NRP2: variants seen among roughly 807,000 people sequenced by gnomAD.
The protein encoded by NRP2 is neuropilin-2.
NRP2 carries 52 observed loss-of-function variants against 110.4 expected under a neutral mutation model. The observed-to-expected ratio is 0.47, with a 90% CI of 0.38 to 0.59. The LOEUF is 0.59. Among genes scored for constraint, NRP2 ranks in the 20% least tolerant of loss-of-function variants. NRP2 has a pLI of 0.00. For missense variants in NRP2, 1,049 were observed against 1,203.0 expected, an observed-to-expected ratio of 0.87 and a Z score of 1.89; for synonymous variants, 508 against 468.9, an observed-to-expected ratio of 1.08 and a Z score of -1.08.
intron 15 of NRP2, among the ~76,000 whole-genome samples, chr2:205,769,907 A>G (rs1392761224): frequency 6.6e-6 from 1 of 152,228 alleles, no homozygotes; most frequent in Admixed American, 6.5e-5. Context: ...TTTTCAATAA[A>G]GGAAACAAGA....
chr2:205,697,505 C>T (rs1199107646), intron 1 of NRP2, 39 bp from the exon 2 acceptor site: 2 of 1,573,912 alleles, frequency 1.3e-6, no homozygotes, highest in Admixed American at 1.7e-5. Context: ...AAAGTTGTAA[C>T]ATATTTGAAG....
At chr2:205,703,678 G>A (rs879433055) in intron 2 of NRP2, among the ~76,000 whole-genome samples, 9 of 152,200 alleles carry the variant, frequency 5.9e-5, no homozygotes, top group Admixed American at 1.3e-4. Flanking sequence ...AGGAGGTGAC[G>A]CCTATACGAA....
intron 15 of NRP2, among the ~76,000 whole-genome samples, chr2:205,772,935 CAGT>C (rs1443601862): frequency 6.6e-6 from 1 of 152,152 alleles, no homozygotes; most frequent in Non-Finnish European, 1.5e-5. Flanking sequence ...AGGGAAGTAC[CAGT>C]AGGTCATCAA....
In NRP2 at chr2:205,694,198, C is replaced by A. The variant is rs563730542; in HGVS notation, c.74-3346C>A. ...CAATACTTAAGAAGGAGAAAAAGAGCAAGACAGAAAGAGTTTAAAACAATC... is the reference window on the plus strand; with the variant it reads ...CAATACTTAAGAAGGAGAAAAAGAGAAAGACAGAAAGAGTTTAAAACAATC... On this transcript the variant is annotated intron_variant, in intron 1 of 16. Transcript: ENST00000357785. 9.2e-5 allele frequency among the ~76,000 whole-genome samples: 14 copies of A among 152,226 alleles called. No homozygotes were observed. In the South Asian group the frequency reaches 2.5e-3, roughly 27 times the overall value.
At chr2:205,747,207 T>C (rs1330510819) in intron 10 of NRP2, among the ~76,000 whole-genome samples, 1 of 152,214 alleles carries the variant, frequency 6.6e-6, no homozygotes, top group African/African-American at 2.4e-5. Context: ...GCTTCACTTA[T>C]AAGCACTCAC....
At chr2:205,727,308 T>C (rs2057145893) in intron 6 of NRP2, among the ~76,000 whole-genome samples, 1 of 152,254 alleles carries the variant, frequency 6.6e-6, no homozygotes, top group South Asian at 2.1e-4. Flanking sequence ...CCTTAAAATG[T>C]TGGCCATCCT....
chr2:205,734,304 A>G (rs1306469610), intron 7 of NRP2, among the ~76,000 whole-genome samples: 2 of 152,082 alleles, frequency 1.3e-5, no homozygotes, highest in South Asian at 4.1e-4. Context: ...ACAAGTTTTT[A>G]AATTGTCTTT....
intron 1 of NRP2, among the ~76,000 whole-genome samples, chr2:205,683,794 T>C (rs1455833575): frequency 6.6e-6 from 1 of 152,180 alleles, no homozygotes; most frequent in Non-Finnish European, 1.5e-5. Context: ...CATTGAGCAA[T>C]GTTAACTGAA....
chr2:205,717,106 A>T (rs1236276368), intron 3 of NRP2, among the ~76,000 whole-genome samples: 2 of 151,248 alleles, frequency 1.3e-5, no homozygotes, highest in African/African-American at 4.9e-5. Flanking sequence ...GCAGACTTTT[A>T]TTCACAAGAC....
chr2:205,765,976 G>C lies in NRP2; in HGVS notation c.2404+406G>C, dbSNP rs181810327. On this transcript the variant is annotated intron_variant, in intron 14 of 16. Transcript: ENST00000357785. ...TGAGCAAAAATAGTACATATGTTAT[G>C]TAAGAGTGATAACACAATTACCTGA... Among the ~76,000 whole-genome samples, 249 of 152,332 alleles carry C rather than the reference G, an allele frequency of 1.6e-3. 1 individual carries two copies. The highest frequency in any genetic ancestry group is 5.8e-3 in the African/African-American group (240 of 41,570).
At chr2:205,740,186 C>T (rs1442972172) in intron 7 of NRP2, among the ~76,000 whole-genome samples, 1 of 152,174 alleles carries the variant, frequency 6.6e-6, no homozygotes, top group Non-Finnish European at 1.5e-5. Flanking sequence ...GATATTTTTA[C>T]TTCATTTTAA....
intron 2 of NRP2, among the ~76,000 whole-genome samples, chr2:205,709,858 G>T (rs960982963): frequency 6.6e-6 from 1 of 152,080 alleles, no homozygotes; most frequent in Non-Finnish European, 1.5e-5. Flanking sequence ...CTCACTCCAT[G>T]GGCCATATGT....
chr2:205,776,392 C>T (rs1376769928), intron 15 of NRP2: 2 of 1,613,436 alleles, frequency 1.2e-6, no homozygotes, highest in Non-Finnish European at 8.5e-7. Flanking sequence ...CCACTACCAC[C>T]GGTTCCGCTA....
At chr2:205,754,563 CAAT>C (rs2057702731) in intron 12 of NRP2, among the ~76,000 whole-genome samples, 1 of 152,186 alleles carries the variant, frequency 6.6e-6, no homozygotes, top group Admixed American at 6.5e-5. Context: ...CTGTTCACTG[CAAT>C]AATGTTTAAT....
Position 205,741,273 on chromosome 2 carries a change from G to A in NRP2, c.1291+610G>A, listed in dbSNP as rs559667042. 3.9e-5 allele frequency among the ~76,000 whole-genome samples: 6 copies of A among 152,324 alleles called. No homozygotes were observed. The South Asian group carries it at 6.2e-4, about 16-fold the overall frequency. ...GGCTTATGGTCCTTGGAAGTACATC[G>A]TAGGGGATTTGACCCAGCCTAGGAG... On this transcript the variant is annotated intron_variant, in intron 8 of 16. Coordinates refer to ENST00000357785, the MANE Select transcript of NRP2 (RefSeq NM_003872.3).
chr2:205,749,858 T>C lies in NRP2; in HGVS notation c.1903+17T>C, dbSNP rs1035361958. On this transcript the variant is annotated intron_variant, in intron 11 of 16. Transcript: ENST00000357785. ...TTGAGGATGGTAAGCACAAATTGCC[T>C]CCAGATGGCATGGGTGCGGACTAGT... The C allele has an allele frequency of 2.6e-5, 42 of 1,590,100 alleles. No individual in the cohort carries two copies. Among genetic ancestry groups the C allele is most frequent in the Non-Finnish European group, 3.5e-5 (40 of 1,158,504 alleles).
intron 15 of NRP2, among the ~76,000 whole-genome samples, chr2:205,788,432 G>T (rs2058260745): frequency 6.6e-6 from 1 of 152,176 alleles, no homozygotes; most frequent in Non-Finnish European, 1.5e-5. Flanking sequence ...GAAGGCAGAG[G>T]TCTGACTCTC....
chr2:205,766,884 A>T (rs2057930752), intron 15 of NRP2, 81 bp downstream of exon 15: 1 of 1,284,406 alleles, frequency 7.8e-7, no homozygotes, highest in Non-Finnish European at 1.1e-6. Flanking sequence ...TGATGGGGGG[A>T]ATCAACCTCC....
rs2105983677 is a variant in NRP2 at position 205,797,951 on chromosome 2, T to G, written c.*2893T>G. Reference sequence around the variant, plus strand: ...TTAACCTGTCACATAGCAGGTTAACTTTTTCAGGGTTTGCAGTTAGAGGTA... The same window carrying G: ...TTAACCTGTCACATAGCAGGTTAACGTTTTCAGGGTTTGCAGTTAGAGGTA... On this transcript the variant is annotated 3_prime_UTR_variant, in exon 17 of 17. Coordinates refer to ENST00000357785, the MANE Select transcript of NRP2 (RefSeq NM_003872.3). 6.5e-6 allele frequency: 1 copy of G among 152,718 alleles called. No individual in the cohort carries two copies. Among genetic ancestry groups the G allele is most frequent in the Non-Finnish European group, 1.5e-5 (1 of 68,020 alleles). The allele number at this position is 152,718 out of a possible 1,614,324, so 9.5% of individuals were successfully genotyped here. A position where few individuals can be genotyped will look rare whatever the true frequency, so the allele number is the denominator to read the frequency against.
Sources: allele counts gnomAD v4.1 joint callset (sites outside exome capture counted in the v4.1 genomes callset), GRCh38; gene constraint gnomAD v4.1.1; transcripts MANE v1.5; gene names NCBI Gene and HGNC (gene_info 2026-07-23, HGNC 2026-07-21).